DYSF: variants seen among roughly 807,000 people sequenced by gnomAD.
DYSF encodes the protein dysferlin.
Under a neutral mutation model 274.9 loss-of-function variants are expected in DYSF, and 212 were observed. That is an observed-to-expected ratio of 0.77 (90% CI 0.69 to 0.86). The LOEUF (loss-of-function observed/expected upper bound fraction) is 0.86. Ranked by LOEUF, DYSF falls within the 40% of genes least tolerant of loss-of-function variation. The pLI, the probability that DYSF is intolerant of heterozygous loss-of-function variation, is 0.00. For missense variants in DYSF, 2,666 were observed against 2,783.2 expected (o/e 0.96, Z 0.95); for synonymous variants, 1,091 against 1,078.7 (o/e 1.01, Z -0.22).
intron 30 of DYSF, among the ~76,000 whole-genome samples, chr2:71,583,043 C>CAAAAAAAAAAAAAA (rs143738269): frequency 4.0e-5 from 2 of 49,936 alleles, no homozygotes; most frequent in Non-Finnish European, 7.1e-5. Flanking sequence ...GACTCCATCT[C>CAAAAAAAAAAAAAA]AAAAAAAAAA....
chr2:71,466,975 C>G, intron 1 of DYSF, 42 bp downstream of exon 1: 1 of 1,537,636 alleles, frequency 6.5e-7, no homozygotes. Context: ...CGGGTGCTAC[C>G]CGACTCTCGG....
chr2:71,661,025 G>A (rs1445565923), intron 45 of DYSF, among the ~76,000 whole-genome samples: 1 of 151,106 alleles, frequency 6.6e-6, no homozygotes, highest in Non-Finnish European at 1.5e-5. Context: ...GCTGAGGTGG[G>A]AGGATCCCTT....
At chr2:71,613,234 C>G in intron 39 of DYSF, 100 bp from the exon 40 acceptor site, 1 of 1,005,436 alleles carries the variant, frequency 9.9e-7, no homozygotes, top group South Asian at 1.4e-5. Context: ...GGAGAGACTG[C>G]AGGGTCTTGT....
intron 4 of DYSF, among the ~76,000 whole-genome samples, chr2:71,505,725 G>A (rs969794232): frequency 1.3e-4 from 20 of 152,232 alleles, no homozygotes; most frequent in African/African-American, 4.8e-4. Context: ...GACACACATG[G>A]AGGAAAAGAA....
chr2:71,499,496 G>A (rs1256683180), intron 3 of DYSF, among the ~76,000 whole-genome samples: 1 of 152,202 alleles, frequency 6.6e-6, no homozygotes, highest in Non-Finnish European at 1.5e-5. Flanking sequence ...AAAATAAATT[G>A]ACTTGGCCAC....
At chr2:71,585,189 A>G (rs888077909) in intron 30 of DYSF, among the ~76,000 whole-genome samples, 6 of 152,216 alleles carry the variant, frequency 3.9e-5, no homozygotes, top group Non-Finnish European at 8.8e-5. Flanking sequence ...TAAACATCCT[A>G]CGACGCACAG....
At chr2:71,620,665 TA>T in intron 41 of DYSF, 56 bp downstream of exon 41, 3 of 1,394,800 alleles carry the variant, frequency 2.2e-6, no homozygotes, top group Non-Finnish European at 2.9e-6. Flanking sequence ...GGGCTGGGGG[TA>T]GGGGGGTTAG....
rs1329620165 is a variant in DYSF, at chr2:71,513,346, C to T, written c.553+14C>T. On this transcript the variant is annotated intron_variant, in intron 6 of 55. Transcript: ENST00000410020. ...CGGCCCCCACGGGTGAGACACGGGC[C>T]AGGACTGTCCTGATCCCAGACCCTC... 2 of 1,550,422 alleles carry T rather than the reference C, an allele frequency of 1.3e-6. No homozygotes were observed. Among genetic ancestry groups the T allele is most frequent in the South Asian group, 1.2e-5 (1 of 84,010 alleles).
chr2:71,551,621 T>G lies in DYSF; in HGVS notation c.1707T>G (p.Ala569=). 10 of 1,606,320 alleles carry G rather than the reference T, an allele frequency of 6.2e-6. No homozygotes were observed. Among genetic ancestry groups the G allele is most frequent in the Non-Finnish European group, 8.5e-6 (10 of 1,177,874 alleles). ...CTCCCTGGCAGGGGGAAGGTGTGGC[T>G]TATCGTGGCCGGCTTCTGCTCTCCC... is the stretch of plus-strand genomic sequence containing the variant. The part of the protein sequence containing the change: ...ELNTGKGEGV[A]YRGRLLLSLE... Residue 569 remains alanine (A), a synonymous_variant, in exon 19 of 56, where the codon GCT becomes GCG. Transcript: ENST00000410020.
chr2:71,609,029 A>T (rs2152871110), intron 36 of DYSF, among the ~76,000 whole-genome samples: 2 of 152,044 alleles, frequency 1.3e-5, no homozygotes, highest in South Asian at 4.1e-4. Flanking sequence ...GACCACAAGC[A>T]GGCATTCAAG....
At chr2:71,568,139 C>G (rs1273151946) in intron 25 of DYSF, 33 bp from the exon 26 acceptor site, 2 of 1,614,094 alleles carry the variant, frequency 1.2e-6, no homozygotes, top group African/African-American at 2.7e-5. Flanking sequence ...GCCTTGGCCC[C>G]CTGCTCACGC....
intron 16 of DYSF, among the ~76,000 whole-genome samples, chr2:71,538,018 A>T (rs2089562508): frequency 6.6e-6 from 1 of 152,136 alleles, no homozygotes; most frequent in African/African-American, 2.4e-5. Flanking sequence ...GGTCTAGCCT[A>T]CCCGGGAAGC....
chr2:71,520,975 A>C, intron 12 of DYSF, 71 bp downstream of exon 12: 1 of 1,278,996 alleles, frequency 7.8e-7, no homozygotes, highest in South Asian at 1.2e-5. Flanking sequence ...ACCAAACCAC[A>C]AACAAAAACT....
intron 4 of DYSF, among the ~76,000 whole-genome samples, chr2:71,507,033 C>T (rs575098767): frequency 1.3e-5 from 2 of 152,260 alleles, no homozygotes; most frequent in African/African-American, 2.4e-5. Flanking sequence ...AAGGGGCTGC[C>T]TAAGTGGTCT....
upstream of DYSF, among the ~76,000 whole-genome samples, chr2:71,466,414 C>G (rs1377136490): frequency 6.6e-6 from 1 of 152,202 alleles, no homozygotes; most frequent in Non-Finnish European, 1.5e-5. Context: ...CCCGGGATCC[C>G]TGGCTGGTGT....
At chr2:71,539,727 G>A (rs950927000) in intron 17 of DYSF, among the ~76,000 whole-genome samples, 3 of 152,162 alleles carry the variant, frequency 2.0e-5, no homozygotes. Context: ...CTGTATGTAT[G>A]TATATATGTA....
intron 4 of DYSF, among the ~76,000 whole-genome samples, chr2:71,505,745 T>C (rs577787472): frequency 1.1e-4 from 17 of 152,336 alleles, no homozygotes; most frequent in African/African-American, 4.1e-4. Flanking sequence ...AGCAGCATCC[T>C]CTCAGATGTA....
At chr2:71,556,177 C>A in intron 22 of DYSF, 106 bp downstream of exon 22, 2 of 942,622 alleles carry the variant, frequency 2.1e-6, no homozygotes, top group Non-Finnish European at 1.7e-6. Flanking sequence ...GTCTCCCAGC[C>A]ACGCTTGGCC....
intron 17 of DYSF, 104 bp from the exon 18 acceptor site, chr2:71,550,937 G>T: frequency 1.1e-6 from 1 of 911,352 alleles, no homozygotes; most frequent in Non-Finnish European, 1.8e-6. Context: ...TGCATGTGGG[G>T]GGGAACTGAG....
Sources: allele counts gnomAD v4.1 joint callset (sites outside exome capture counted in the v4.1 genomes callset), GRCh38; gene constraint gnomAD v4.1.1; transcripts MANE v1.5; gene names NCBI Gene and HGNC (gene_info 2026-07-23, HGNC 2026-07-21).